The following UNC5D variants were observed in gnomAD, a reference collection of about 807,000 sequenced individuals.
UNC5D encodes unc-5 netrin receptor D.
In UNC5D, 39 loss-of-function variants were observed where a neutral mutation model predicts 105.4. That is an observed-to-expected ratio of 0.37 (90% CI 0.29 to 0.48). The LOEUF is 0.48. Ranked by LOEUF, UNC5D falls within the 20% of genes least tolerant of loss-of-function variation. The pLI, the probability that UNC5D is intolerant of heterozygous loss-of-function variation, is 0.98. For missense variants in UNC5D, 991 were observed against 1,202.4 expected (o/e 0.82, Z 2.60); for synonymous variants, 452 against 450.4 (o/e 1.00, Z -0.04).
At chr8:35,323,202 T>A (rs1809884489) in intron 1 of UNC5D, among the ~76,000 whole-genome samples, 1 of 128,028 alleles carries the variant, frequency 7.8e-6, no homozygotes. Flanking sequence ...TTTTTTTTTT[T>A]TTTTTCACAT....
chr8:35,252,383 T>C (rs1024235868), intron 1 of UNC5D, among the ~76,000 whole-genome samples: 1 of 152,180 alleles, frequency 6.6e-6, no homozygotes, highest in African/African-American at 2.4e-5. Flanking sequence ...TTTCTGGTCC[T>C]TCTTAAAAGT....
At chr8:35,676,469 CA>C (rs1361798861) in intron 4 of UNC5D, among the ~76,000 whole-genome samples, 1 of 152,170 alleles carries the variant, frequency 6.6e-6, no homozygotes, top group Non-Finnish European at 1.5e-5. Flanking sequence ...AGCAGGAGGT[CA>C]TGTGCATAAG....
In UNC5D at chr8:35,731,845, C is replaced by T. The variant is rs914519575; in HGVS notation, c.1766+749C>T. Among the ~76,000 whole-genome samples the T allele has an allele frequency of 2.6e-5, 4 of 152,150 alleles. No individual in the cohort carries two copies. The East Asian group carries it at 7.7e-4, about 29-fold the overall frequency. On this transcript the variant is annotated intron_variant, in intron 11 of 16. Transcript: ENST00000404895. Reference sequence around the variant, plus strand: ...AGACAATTTCTTAGGCAATTTTAGGCAATGTGAAAATATGACCTGAAACAT... The same window carrying T: ...AGACAATTTCTTAGGCAATTTTAGGTAATGTGAAAATATGACCTGAAACAT...
At chr8:35,568,409 C>T (rs1175957305) in intron 3 of UNC5D, among the ~76,000 whole-genome samples, 168 bp downstream of exon 3, 1 of 152,240 alleles carries the variant, frequency 6.6e-6, no homozygotes, top group Non-Finnish European at 1.5e-5. Flanking sequence ...TCTGGCCAGG[C>T]GTGGCACAGT....
chr8:35,628,387 G>A (rs1821823089), intron 4 of UNC5D, among the ~76,000 whole-genome samples: 1 of 152,096 alleles, frequency 6.6e-6, no homozygotes, highest in South Asian at 2.1e-4. Flanking sequence ...ACCCGCCTCA[G>A]CCTCCCAAAG....
At chr8:35,358,520 A>T (rs1801683286) in intron 1 of UNC5D, among the ~76,000 whole-genome samples, 1 of 152,136 alleles carries the variant, frequency 6.6e-6, no homozygotes, top group African/African-American at 2.4e-5. Context: ...AACATCAGGA[A>T]AAAATATCTA....
chr8:35,428,492 T>A (rs1806399251), intron 1 of UNC5D, among the ~76,000 whole-genome samples: 1 of 151,724 alleles, frequency 6.6e-6, no homozygotes, highest in African/African-American at 2.4e-5. Context: ...CGGCCAAATC[T>A]ACTTTCTTGC....
intron 16 of UNC5D, among the ~76,000 whole-genome samples, chr8:35,785,802 T>C (rs983403801): frequency 4.6e-5 from 7 of 152,032 alleles, no homozygotes; most frequent in African/African-American, 1.7e-4. Context: ...CAAGATCGGG[T>C]GTCTGGTAGG....
intron 1 of UNC5D, among the ~76,000 whole-genome samples, chr8:35,272,195 A>G (rs1335571264): frequency 6.6e-6 from 1 of 152,188 alleles, no homozygotes; most frequent in Admixed American, 6.5e-5. Flanking sequence ...AAAACTGAAA[A>G]ATGATGTTTA....
rs1050595073 is a variant in UNC5D, at chr8:35,380,885, T to A, written c.103+144998T>A. Among the ~76,000 whole-genome samples the A allele has an allele frequency of 2.0e-5, 3 of 152,182 alleles. No individual in the cohort carries two copies. In the South Asian group the frequency reaches 6.2e-4, roughly 32 times the overall value. The stretch of plus-strand genomic sequence containing the variant: ...AAGCCTTGAAGACAAAGTAATTTAT[T>A]TGACGTCACACCTGCCAGGATCATG... On this transcript the variant is annotated intron_variant, in intron 1 of 16. Transcript: ENST00000404895.
At chr8:35,523,705 ATT>A (rs1295209280) in intron 1 of UNC5D, among the ~76,000 whole-genome samples, 6 of 118,478 alleles carry the variant, frequency 5.1e-5, no homozygotes, top group Middle Eastern at 4.0e-3. Context: ...CATTTATTTA[ATT>A]AAAAAAAAAA....
chr8:35,627,751 G>C (rs1007958131), intron 4 of UNC5D, among the ~76,000 whole-genome samples: 3 of 152,068 alleles, frequency 2.0e-5, no homozygotes, highest in Admixed American at 6.5e-5. Context: ...CAACATATTA[G>C]ACCCCTGTCT....
At chr8:35,472,183 C>G (rs1342288349) in intron 1 of UNC5D, among the ~76,000 whole-genome samples, 1 of 152,178 alleles carries the variant, frequency 6.6e-6, no homozygotes, top group Non-Finnish European at 1.5e-5. Context: ...CAGAAGAACA[C>G]TTATTATTCC....
intron 11 of UNC5D, among the ~76,000 whole-genome samples, chr8:35,741,706 C>G (rs1173118608): frequency 1.3e-5 from 2 of 152,130 alleles, no homozygotes; most frequent in Non-Finnish European, 2.9e-5. Context: ...CAACTATATT[C>G]CACTTCAGAA....
chr8:35,755,015 T>C, intron 13 of UNC5D, among the ~76,000 whole-genome samples: 1 of 152,190 alleles, frequency 6.6e-6, no homozygotes, highest in East Asian at 1.9e-4. Context: ...TTTTGTGTTT[T>C]TGTAATAATT....
intron 4 of UNC5D, among the ~76,000 whole-genome samples, chr8:35,654,678 AC>A (rs1451630193): frequency 6.6e-6 from 1 of 151,688 alleles, no homozygotes; most frequent in Admixed American, 6.6e-5. Context: ...GTTATTCTGT[AC>A]TAGTAAGATT....
intron 14 of UNC5D, 116 bp downstream of exon 14, chr8:35,759,585 T>C: frequency 8.5e-7 from 1 of 1,171,370 alleles, no homozygotes. Flanking sequence ...GGATTTCACC[T>C]CAAAACTGTC....
intron 4 of UNC5D, among the ~76,000 whole-genome samples, chr8:35,636,566 A>G (rs1362285730): frequency 6.6e-6 from 1 of 152,188 alleles, no homozygotes; most frequent in African/African-American, 2.4e-5. Context: ...ATTTAGGTAA[A>G]GAGTCTAAGA....
At chr8:35,377,278 C>A (rs2128929360) in intron 1 of UNC5D, among the ~76,000 whole-genome samples, 1 of 152,250 alleles carries the variant, frequency 6.6e-6, no homozygotes, top group East Asian at 1.9e-4. Context: ...TTTTAGGATC[C>A]TCTCCTGGCT....
Sources: allele counts gnomAD v4.1 joint callset (sites outside exome capture counted in the v4.1 genomes callset), GRCh38; gene constraint gnomAD v4.1.1; transcripts MANE v1.5; gene names NCBI Gene and HGNC (gene_info 2026-07-23, HGNC 2026-07-21).